Variants in KLF5 observed in about 807,000 individuals in gnomAD.
KLF5 encodes the protein Krueppel-like factor 5.
KLF5 carries 9 observed loss-of-function variants against 36.9 expected under a neutral mutation model. That is an observed-to-expected ratio of 0.24 (90% CI 0.15 to 0.43). The LOEUF is 0.43. Ranked by LOEUF, KLF5 falls within the 20% of genes least tolerant of loss-of-function variation. The probability of loss-of-function intolerance (pLI) is 1.00; values close to 1 mark genes in which losing one functional copy is unlikely to be tolerated. For synonymous variants in KLF5, 246 were observed against 241.7 expected (o/e 1.02, Z -0.17); for missense variants, 524 against 599.5 (o/e 0.87, Z 1.31).
chr13:73,059,303 C>G lies in KLF5; in HGVS notation c.-25C>G, dbSNP rs1223743290. Reference sequence around the variant, plus strand: ...AGGTGGGAAGTGCGCCCGACCCGCGCCTGGAGCTGCGCCCCCGAGTGCCCA... The same window carrying G: ...AGGTGGGAAGTGCGCCCGACCCGCGGCTGGAGCTGCGCCCCCGAGTGCCCA... On this transcript the variant is annotated 5_prime_UTR_variant, in exon 1 of 4. Transcript: ENST00000377687. 3 of 1,349,574 alleles carry G rather than the reference C, an allele frequency of 2.2e-6. No homozygotes were observed. The African/African-American group carries it at 4.6e-5, about 21-fold the overall frequency. 83.6% of individuals were successfully genotyped at this position (1,349,574 alleles called of 1,614,324 possible).
rs1011698214 is a variant in KLF5, at chr13:73,076,658, T to C, written c.*772T>C. The C allele has an allele frequency of 5.3e-5, 8 of 152,322 alleles. No homozygotes were observed. In the South Asian group the frequency reaches 8.3e-4, roughly 16 times the overall value. 9.4% of individuals were successfully genotyped at this position (152,322 alleles called of 1,614,324 possible). ...TCATGCACTGATTAAAATAGGATTA[T>C]TTTAAATACAAAAGGCATTTTATAT... On this transcript the variant is annotated 3_prime_UTR_variant, in exon 4 of 4. Coordinates refer to ENST00000377687, the MANE Select transcript of KLF5 (RefSeq NM_001730.5).
intron 3 of KLF5, among the ~76,000 whole-genome samples, chr13:73,070,840 AT>A: frequency 6.6e-6 from 1 of 152,190 alleles, no homozygotes; most frequent in Non-Finnish European, 1.5e-5. Flanking sequence ...GGCTCAAAAC[AT>A]GGTTCTCACC....
In KLF5 at chr13:73,062,709, A is replaced by T. The variant is rs747156796; in HGVS notation, c.1110A>T (p.Arg370=). ...NRRSNPDLEK[R]RIHYCDYPGC... ...GGAGTAACCCCGATTTGGAGAAACG[A>T]CGCATCCACTACTGCGATTACCCTG... The change falls in exon 2 of 4, where the codon CGA becomes CGT. Residue 370 remains arginine, a synonymous_variant. Transcript: ENST00000377687. 1 of 1,614,100 alleles carries T rather than the reference A, an allele frequency of 6.2e-7. No individual in the cohort carries two copies.
At chr13:73,074,334 C>T (rs571391541) in intron 3 of KLF5, among the ~76,000 whole-genome samples, 2 of 151,920 alleles carry the variant, frequency 1.3e-5, no homozygotes, top group South Asian at 2.1e-4. Context: ...GTTTCTGTTT[C>T]GTCAGAACTA....
rs1015237260 is a variant in KLF5 at position 73,077,123 on chromosome 13, A to C, written c.*1237A>C. Reference sequence around the variant, plus strand: ...AACCAAAGGGCAGAATAAATAAGCAAAATGCCAAAAGGGGTCTTAATTGAA... The same window carrying C: ...AACCAAAGGGCAGAATAAATAAGCACAATGCCAAAAGGGGTCTTAATTGAA... On this transcript the variant is annotated 3_prime_UTR_variant, in exon 4 of 4. Transcript: ENST00000377687. 2 of 152,650 alleles carry C rather than the reference A, an allele frequency of 1.3e-5. No individual in the cohort carries two copies. Among genetic ancestry groups the C allele is most frequent in the Non-Finnish European group, 2.9e-5 (2 of 68,040 alleles). 9.5% of individuals were successfully genotyped at this position (152,650 alleles called of 1,614,324 possible).
chr13:73,059,855 C>G (rs2044619184), intron 1 of KLF5: 1 of 954,014 alleles, frequency 1.0e-6, no homozygotes, highest in Admixed American at 6.2e-5. Context: ...AGGGAGGGAA[C>G]TGGGTGCTCA....
intron 2 of KLF5, among the ~76,000 whole-genome samples, chr13:73,063,603 C>T (rs1418390348): frequency 6.6e-6 from 1 of 152,156 alleles, no homozygotes; most frequent in Non-Finnish European, 1.5e-5. Context: ...GCTTGATTAT[C>T]TGTATTCTTT....
chr13:73,077,254 T>C lies in KLF5; in HGVS notation c.*1368T>C, dbSNP rs2044770671. On this transcript the variant is annotated 3_prime_UTR_variant, in exon 4 of 4. Coordinates refer to ENST00000377687, the MANE Select transcript of KLF5 (RefSeq NM_001730.5). ...ATTTTCATAACTTGATAAATTATAG[T>C]TTTGTTTGTTAGAAAAGTTGCTCTT... 1 of 152,652 alleles carries C rather than the reference T, an allele frequency of 6.6e-6. No individual in the cohort carries two copies. The highest frequency in any genetic ancestry group is 6.5e-5 in the Admixed American group (1 of 15,288). The allele number at this position is 152,652 out of a possible 1,614,324, so 9.5% of individuals were successfully genotyped here.
At chr13:73,059,789 G>A in intron 1 of KLF5, 1 of 739,170 alleles carries the variant, frequency 1.4e-6, no homozygotes, top group Non-Finnish European at 1.7e-6. Context: ...GGGGGGGCCG[G>A]GGGTGGGAAG....
intron 3 of KLF5, among the ~76,000 whole-genome samples, chr13:73,068,213 A>G (rs1451756984): frequency 6.6e-6 from 1 of 152,190 alleles, no homozygotes; most frequent in Non-Finnish European, 1.5e-5. Context: ...AAGTCCTGGA[A>G]AGATTTTTAG....
chr13:73,072,109 T>G (rs1441776460), intron 3 of KLF5, among the ~76,000 whole-genome samples: 1 of 152,246 alleles, frequency 6.6e-6, no homozygotes, highest in Non-Finnish European at 1.5e-5. Flanking sequence ...ATTCTTTTGT[T>G]AGAAGAATCT....
chr13:73,062,393 C>A lies in KLF5; in HGVS notation c.794C>A (p.Thr265Lys), dbSNP rs1415486680. ...TCAGCTGCCATGGCAGGCCTTAACA[C>A]ACACACCTCTGCTGTTCCGCAGACT... ...SMSAAMAGLN[T>K]HTSAVPQTAV... Residue 265 changes from threonine (T) to lysine (K), a missense_variant, in exon 2 of 4, where the codon ACA becomes AAA. Thr to Lys is a moderately conservative substitution (Grantham distance 78, BLOSUM62 -1). Coordinates refer to ENST00000377687, the MANE Select transcript of KLF5 (RefSeq NM_001730.5). The A allele has an allele frequency of 6.2e-7, 1 of 1,614,100 alleles. No individual in the cohort carries two copies. Among genetic ancestry groups the A allele is most frequent in the Non-Finnish European group, 8.5e-7 (1 of 1,180,052 alleles).
Position 73,059,130 on chromosome 13 carries a change from G to T in KLF5, c.-198G>T. 2.3e-6 allele frequency: 1 copy of T among 430,872 alleles called. No individual in the cohort carries two copies. Among genetic ancestry groups the T allele is most frequent in the Non-Finnish European group, 3.9e-6 (1 of 257,038 alleles). The allele number at this position is 430,872 out of a possible 1,614,324, so 26.7% of individuals were successfully genotyped here. On this transcript the variant is annotated 5_prime_UTR_variant, in exon 1 of 4. Coordinates refer to ENST00000377687, the MANE Select transcript of KLF5 (RefSeq NM_001730.5). ...AGAAAGTGGCCGCCCGGAGGACGTT[G>T]GCGTTTACGTGTGGAAGAGCGGAAG...
intron 3 of KLF5, among the ~76,000 whole-genome samples, chr13:73,074,458 A>G (rs554439282): frequency 6.6e-6 from 1 of 152,334 alleles, no homozygotes; most frequent in East Asian, 1.9e-4. Flanking sequence ...AGCCAGTAAT[A>G]CTTTAATATA....
chr13:73,055,666 A>G (rs933957470), upstream of KLF5, among the ~76,000 whole-genome samples: 5 of 152,082 alleles, frequency 3.3e-5, no homozygotes, highest in African/African-American at 9.7e-5. Context: ...TTTCACTGAT[A>G]CAGATTCTAA....
At position 73,059,294 on chromosome 13, in the gene KLF5, C is replaced by G; in HGVS notation, c.-34C>G. ...GCGTGGGCGAGGTGGGAAGTGCGCC[C>G]GACCCGCGCCTGGAGCTGCGCCCCC... On this transcript the variant is annotated 5_prime_UTR_variant, in exon 1 of 4. Transcript: ENST00000377687. The G allele has an allele frequency of 7.5e-7, 1 of 1,334,912 alleles. No homozygotes were observed. The highest frequency in any genetic ancestry group is 9.6e-7 in the Non-Finnish European group (1 of 1,042,852). 82.7% of individuals were successfully genotyped at this position (1,334,912 alleles called of 1,614,324 possible). A position where few individuals can be genotyped will look rare whatever the true frequency, so the allele number is the denominator to read the frequency against.
chr13:73,065,588 C>T (rs2044672997), intron 3 of KLF5, among the ~76,000 whole-genome samples: 1 of 152,102 alleles, frequency 6.6e-6, no homozygotes, highest in East Asian at 1.9e-4. Context: ...ATGAATTAAG[C>T]ATGTTATAAA....
upstream of KLF5, chr13:73,055,293 CTG>C (rs2044576881): frequency 6.6e-6 from 1 of 152,070 alleles, no homozygotes; most frequent in African/African-American, 2.4e-5. Flanking sequence ...AAAATCCAAA[CTG>C]AAATATAAAA....
upstream of KLF5, among the ~76,000 whole-genome samples, chr13:73,055,921 G>T (rs11841945): frequency 6.6e-6 from 1 of 151,922 alleles, no homozygotes; most frequent in Non-Finnish European, 1.5e-5. Flanking sequence ...ATTTCAAGCT[G>T]TGACGTTTTT....
Sources: allele counts gnomAD v4.1 joint callset (sites outside exome capture counted in the v4.1 genomes callset), GRCh38; gene constraint gnomAD v4.1.1; transcripts MANE v1.5; gene names NCBI Gene and HGNC (gene_info 2026-07-23, HGNC 2026-07-21).